The following RORA variants were observed in gnomAD, a reference collection of about 807,000 sequenced individuals.
The protein encoded by RORA is RAR related orphan receptor A.
A neutral mutation model predicts 69.5 loss-of-function variants in RORA; 7 were observed. The ratio of observed to expected loss-of-function variants is 0.10; its 90% CI spans 0.06 to 0.19. The LOEUF (loss-of-function observed/expected upper bound fraction) is 0.19, where lower values mean the gene tolerates loss of function less well. RORA is among the 10% of genes least tolerant of loss of function. RORA has a pLI of 1.00. For missense variants in RORA, 457 were observed against 663.0 expected (o/e 0.69, Z 3.41); for synonymous variants, 261 against 240.8 (o/e 1.08, Z -0.78).
At chr15:60,742,423 TAC>T (rs1252764332) in intron 1 of RORA, among the ~76,000 whole-genome samples, 2 of 152,216 alleles carry the variant, frequency 1.3e-5, no homozygotes, top group African/African-American at 4.8e-5. Flanking sequence ...GATATATGTA[TAC>T]ACAGTCGAAT....
At chr15:60,760,932 CT>C (rs2071877511) in intron 1 of RORA, among the ~76,000 whole-genome samples, 1 of 95,190 alleles carries the variant, frequency 1.1e-5, no homozygotes, top group Admixed American at 8.8e-5. Context: ...GAGATTGTTG[CT>C]TTTGTAGATA....
chr15:60,790,677 A>T (rs532667295), intron 1 of RORA, among the ~76,000 whole-genome samples: 11 of 152,302 alleles, frequency 7.2e-5, no homozygotes, highest in African/African-American at 2.4e-4. Context: ...GGAGCTGAAG[A>T]CCTTCTCCTA....
intron 2 of RORA, among the ~76,000 whole-genome samples, chr15:60,626,597 C>T (rs1350048969): frequency 6.6e-6 from 1 of 152,154 alleles, no homozygotes; most frequent in Admixed American, 6.5e-5. Flanking sequence ...CTCCTGTCAA[C>T]CCCATCATAA....
intron 2 of RORA, among the ~76,000 whole-genome samples, chr15:60,544,653 T>A (rs1050598965): frequency 6.6e-6 from 1 of 152,206 alleles, no homozygotes; most frequent in African/African-American, 2.4e-5. Context: ...ACAAGTTAAT[T>A]GAACGTGCTA....
chr15:60,613,767 GAA>G (rs34005203), intron 2 of RORA, among the ~76,000 whole-genome samples: 2 of 124,626 alleles, frequency 1.6e-5, no homozygotes, highest in Admixed American at 8.1e-5. Flanking sequence ...AAAGTCACCT[GAA>G]AAAAAAAAAA....
At chr15:61,106,048 C>T (rs1445816651) in intron 1 of RORA, among the ~76,000 whole-genome samples, 2 of 152,170 alleles carry the variant, frequency 1.3e-5, no homozygotes, top group African/African-American at 4.8e-5. Context: ...CAGGCAGACC[C>T]TGGAGGTAGG....
At chr15:60,572,561 A>G (rs942473461) in intron 2 of RORA, among the ~76,000 whole-genome samples, 2 of 152,206 alleles carry the variant, frequency 1.3e-5, no homozygotes, top group Non-Finnish European at 2.9e-5. Context: ...TTAAAAACAA[A>G]TCTATACATA....
chr15:61,171,836 C>G (rs1427605238), intron 1 of RORA, among the ~76,000 whole-genome samples: 1 of 152,170 alleles, frequency 6.6e-6, no homozygotes, highest in East Asian at 1.9e-4. Context: ...AATGAGGCAG[C>G]TGGGGAGAGG....
At chr15:60,858,385 C>T (rs1170821600) in intron 1 of RORA, among the ~76,000 whole-genome samples, 1 of 152,082 alleles carries the variant, frequency 6.6e-6, no homozygotes, top group African/African-American at 2.4e-5. Flanking sequence ...AGTGGCAGGG[C>T]CAAGACAGGA....
intron 1 of RORA, among the ~76,000 whole-genome samples, chr15:61,161,070 T>C (rs2079491299): frequency 6.6e-6 from 1 of 151,930 alleles, no homozygotes; most frequent in African/African-American, 2.4e-5. Context: ...TCTGACAAAA[T>C]AGGGGTCATC....
In RORA at chr15:60,988,743, C is replaced by T. The variant is rs544925332; in HGVS notation, c.166+240310G>A. Among the ~76,000 whole-genome samples, 15 of 152,272 alleles carry T rather than the reference C, an allele frequency of 9.9e-5. No homozygotes were observed. The South Asian group carries it at 2.7e-3, about 27-fold the overall frequency. ...CCTGAAACATTCTCAATAAGGTACA[C>T]AATGCAGTTTAACAGACACTAACAT... On this transcript the variant is annotated intron_variant, in intron 1 of 10. Transcript: ENST00000335670.
intron 1 of RORA, among the ~76,000 whole-genome samples, chr15:61,027,894 T>C (rs1334062960): frequency 6.6e-6 from 1 of 152,170 alleles, no homozygotes; most frequent in Non-Finnish European, 1.5e-5. Context: ...TAAATGACCT[T>C]ACAAACCTAA....
chr15:60,905,351 T>C lies in RORA; in HGVS notation c.167-226665A>G, dbSNP rs543284857. On this transcript the variant is annotated intron_variant, in intron 1 of 10. Transcript: ENST00000335670. The surrounding 1 kb of genome is among the most constrained non-coding windows in gnomAD (Gnocchi z 4.8). ...GAGTGCAAAGCATGATGATAAAATATGCAATTCTTAAGAAATGTCAAAGAC... is the reference window on the plus strand; with the variant it reads ...GAGTGCAAAGCATGATGATAAAATACGCAATTCTTAAGAAATGTCAAAGAC... Among the ~76,000 whole-genome samples the C allele has an allele frequency of 4.5e-4, 69 of 152,348 alleles. 3 individuals carry two copies. The South Asian group carries it at 0.014, about 31-fold the overall frequency.
intron 1 of RORA, among the ~76,000 whole-genome samples, chr15:61,155,474 A>C (rs891333831): frequency 3.3e-5 from 5 of 152,208 alleles, no homozygotes; most frequent in Non-Finnish European, 7.3e-5. Flanking sequence ...AGGAAAAAAC[A>C]GTGTGAGGAA....
At chr15:60,979,326 T>A (rs189826734) in intron 1 of RORA, among the ~76,000 whole-genome samples, 1 of 151,014 alleles carries the variant, frequency 6.6e-6, no homozygotes, top group African/African-American at 2.4e-5. Flanking sequence ...GTCCCTTTCA[T>A]TTTCATTTGA....
chr15:60,971,696 A>C (rs1196818818), intron 1 of RORA, among the ~76,000 whole-genome samples: 1 of 152,224 alleles, frequency 6.6e-6, no homozygotes, highest in African/African-American at 2.4e-5. Flanking sequence ...CAAACCTCTT[A>C]AAAGCTCTTT....
intron 1 of RORA, among the ~76,000 whole-genome samples, chr15:61,163,287 G>C (rs1467561523): frequency 6.6e-6 from 1 of 152,162 alleles, no homozygotes; most frequent in African/African-American, 2.4e-5. Context: ...GAGCCTAAGA[G>C]GATCCGTGTT....
At chr15:60,508,391 C>A (rs987042020) in intron 5 of RORA, among the ~76,000 whole-genome samples, 2 of 152,196 alleles carry the variant, frequency 1.3e-5, no homozygotes, top group Admixed American at 6.5e-5. Flanking sequence ...TAGATAGCAT[C>A]TGGTCCAAAC....
At chr15:60,644,499 A>G (rs2070001674) in intron 2 of RORA, among the ~76,000 whole-genome samples, 1 of 152,232 alleles carries the variant, frequency 6.6e-6, no homozygotes, top group African/African-American at 2.4e-5. Flanking sequence ...AATCTTTGAC[A>G]TGGGATTTCT....
Sources: allele counts gnomAD v4.1 joint callset (sites outside exome capture counted in the v4.1 genomes callset), GRCh38; gene constraint gnomAD v4.1.1; non-coding constraint Gnocchi (gnomAD v3.1); transcripts MANE v1.5; gene names NCBI Gene and HGNC (gene_info 2026-07-23, HGNC 2026-07-21).